APLP2: variants seen among roughly 807,000 people sequenced by gnomAD.
APLP2 encodes amyloid beta precursor like protein 2, also known as CDEI box-binding protein.
Under a neutral mutation model 89.9 loss-of-function variants are expected in APLP2, and 53 were observed. That is an observed-to-expected ratio of 0.59 (90% CI 0.47 to 0.74). The LOEUF is 0.74. APLP2 is among the 30% of genes least tolerant of loss of function. The probability of loss-of-function intolerance (pLI) is 0.00; values close to 1 mark genes in which losing one functional copy is unlikely to be tolerated. For missense variants in APLP2, 973 were observed against 975.9 expected, an observed-to-expected ratio of 1.00 and a Z score of 0.04; for synonymous variants, 372 against 348.6, an observed-to-expected ratio of 1.07 and a Z score of -0.75.
Position 130,143,522 on chromosome 11 carries a change from C to G in APLP2, c.*74C>G. The G allele has an allele frequency of 7.7e-7, 1 of 1,294,768 alleles. No individual in the cohort carries two copies. Among genetic ancestry groups the G allele is most frequent in the Non-Finnish European group, 1.1e-6 (1 of 896,802 alleles). 80.2% of individuals were successfully genotyped at this position (1,294,768 alleles called of 1,614,324 possible). Reference sequence around the variant, plus strand: ...AGATCCCACGATTCCGATCGACTGCCAAGCAGCAGCCGCTGCCAGGGGCTG... The same window carrying G: ...AGATCCCACGATTCCGATCGACTGCGAAGCAGCAGCCGCTGCCAGGGGCTG... On this transcript the variant is annotated 3_prime_UTR_variant, in exon 17 of 17. Coordinates refer to ENST00000338167, the MANE Select transcript of APLP2 (RefSeq NM_001142276.2).
chr11:130,077,841 T>G (rs1473758187), intron 1 of APLP2, among the ~76,000 whole-genome samples: 1 of 152,230 alleles, frequency 6.6e-6, no homozygotes, highest in African/African-American at 2.4e-5. Context: ...TCAAGCTGTT[T>G]GAGCTGAAAG....
intron 3 of APLP2, among the ~76,000 whole-genome samples, chr11:130,112,318 A>AT (rs1375166337): frequency 6.6e-6 from 1 of 152,194 alleles, no homozygotes; most frequent in Non-Finnish European, 1.5e-5. Flanking sequence ...GTTTTTAGTT[A>AT]TTCCTGTGAT....
At chr11:130,125,740 GCTCTGAA>G (rs1164923131) in intron 7 of APLP2, among the ~76,000 whole-genome samples, 1 of 152,194 alleles carries the variant, frequency 6.6e-6, no homozygotes, top group Non-Finnish European at 1.5e-5. Context: ...TCTCCACTTA[GCTCTGAA>G]ATTGTGTCAT....
intron 9 of APLP2, among the ~76,000 whole-genome samples, 179 bp downstream of exon 9, chr11:130,128,019 G>A (rs769596793): frequency 3.9e-5 from 6 of 152,202 alleles, no homozygotes; most frequent in African/African-American, 1.2e-4. Flanking sequence ...TATGGTAGAA[G>A]GAAACCAAAC....
At chr11:130,119,994 AAG>A (rs1285393529) in intron 3 of APLP2, among the ~76,000 whole-genome samples, 1 of 152,222 alleles carries the variant, frequency 6.6e-6, no homozygotes, top group East Asian at 1.9e-4. Context: ...GATATTTTTT[AAG>A]AGTCCATGCC....
intron 10 of APLP2, among the ~76,000 whole-genome samples, chr11:130,129,610 A>G (rs1225687609): frequency 1.3e-5 from 2 of 152,222 alleles, no homozygotes; most frequent in African/African-American, 4.8e-5. Flanking sequence ...GAGTGGTCTC[A>G]AATGATTTTG....
rs1011580057 is a variant in APLP2 at position 130,141,645 on chromosome 11, A to G, written c.1998+73A>G. On this transcript the variant is annotated intron_variant, in intron 15 of 16. Coordinates refer to ENST00000338167, the MANE Select transcript of APLP2 (RefSeq NM_001142276.2). This position sits in a 1 kb window ranked among gnomAD's most constrained non-coding sequence, Gnocchi z 4.2. ...TTTCTCCTCTGGACCTTCTCAGTTC[A>G]AGTAGAAAACGGGAGAGATGCCTGA... The G allele has an allele frequency of 1.4e-6, 2 of 1,394,630 alleles. No individual in the cohort carries two copies. The highest frequency in any genetic ancestry group is 1.2e-5 in the South Asian group (1 of 84,746). The allele number at this position is 1,394,630 out of a possible 1,614,324, so 86.4% of individuals were successfully genotyped here.
intron 1 of APLP2, among the ~76,000 whole-genome samples, chr11:130,104,366 G>A (rs961049862): frequency 2.6e-5 from 4 of 151,506 alleles, no homozygotes; most frequent in African/African-American, 4.9e-5. Flanking sequence ...CCATAGGCAC[G>A]CGCCCCCATG....
intron 1 of APLP2, among the ~76,000 whole-genome samples, chr11:130,078,502 T>C (rs1942532251): frequency 1.3e-5 from 2 of 152,200 alleles, no homozygotes; most frequent in Admixed American, 1.3e-4. Flanking sequence ...TTTTTTGTTA[T>C]GGTAGGTGCT....
At chr11:130,070,190 C>CG in intron 1 of APLP2, 108 bp downstream of exon 1, 1 of 530,924 alleles carries the variant, frequency 1.9e-6, no homozygotes, top group Non-Finnish European at 2.7e-6. Flanking sequence ...GGTGCGGCGC[C>CG]GGGGGTCCGG....
At chr11:130,076,321 C>T (rs1388790210) in intron 1 of APLP2, among the ~76,000 whole-genome samples, 4 of 152,148 alleles carry the variant, frequency 2.6e-5, no homozygotes, top group African/African-American at 7.2e-5. Flanking sequence ...GCGATCCAGC[C>T]GCCTCAGCCT....
intron 5 of APLP2, 100 bp from the exon 6 acceptor site, chr11:130,122,205 C>G: frequency 2.9e-6 from 4 of 1,391,324 alleles, no homozygotes; most frequent in Non-Finnish European, 4.0e-6. Context: ...GAGCTTATTT[C>G]CTGCCTCTGT....
chr11:130,071,247 A>T (rs945688555), intron 1 of APLP2, among the ~76,000 whole-genome samples: 1 of 152,232 alleles, frequency 6.6e-6, no homozygotes, highest in South Asian at 2.1e-4. Context: ...CTTCTACAGA[A>T]TGTTCAAGTA....
chr11:130,110,512 T>C (rs745785358), intron 2 of APLP2, 26 bp from the exon 3 acceptor site: 6 of 1,609,186 alleles, frequency 3.7e-6, no homozygotes, highest in Middle Eastern at 3.3e-4. Context: ...ATTGATTTAT[T>C]GTGTGTGTGT....
chr11:130,142,119 G>T, intron 16 of APLP2, 45 bp downstream of exon 16: 1 of 1,551,924 alleles, frequency 6.4e-7, no homozygotes, highest in Non-Finnish European at 8.7e-7. Flanking sequence ...CTGTGGGCTG[G>T]GTTGGGGGTG....
In APLP2 at chr11:130,142,090, G is replaced by C. The variant is rs779955787; in HGVS notation, c.2154+16G>C. Reference sequence around the variant, plus strand: ...GATCGTGGAGGTGAGGAGCTGGGCTGCTGAGGGCCTGCTCTGCACTGTGGG... The same window carrying C: ...GATCGTGGAGGTGAGGAGCTGGGCTCCTGAGGGCCTGCTCTGCACTGTGGG... On this transcript the variant is annotated intron_variant, in intron 16 of 16. Coordinates refer to ENST00000338167, the MANE Select transcript of APLP2 (RefSeq NM_001142276.2). 3 of 1,607,400 alleles carry C rather than the reference G, an allele frequency of 1.9e-6. No individual in the cohort carries two copies. The highest frequency in any genetic ancestry group is 2.2e-5 in the South Asian group (2 of 90,152).
intron 13 of APLP2, chr11:130,139,337 A>C (rs1164487115): frequency 6.6e-6 from 1 of 152,212 alleles, no homozygotes; most frequent in African/African-American, 2.4e-5. Context: ...TGCCTTTGAC[A>C]AGCCCAGGGA....
intron 3 of APLP2, among the ~76,000 whole-genome samples, chr11:130,119,329 G>A (rs951739788): frequency 2.6e-5 from 4 of 152,192 alleles, no homozygotes; most frequent in African/African-American, 4.8e-5. Flanking sequence ...TATGCCCAGT[G>A]TAGATTACTG....
chr11:130,083,148 ACCT>A (rs1672167144), intron 1 of APLP2, among the ~76,000 whole-genome samples: 1 of 141,768 alleles, frequency 7.1e-6, no homozygotes, highest in African/African-American at 2.7e-5. Context: ...TGACTCTCCC[ACCT>A]CAGCCTCCCA....
Sources: allele counts gnomAD v4.1 joint callset (sites outside exome capture counted in the v4.1 genomes callset), GRCh38; gene constraint gnomAD v4.1.1; non-coding constraint Gnocchi (gnomAD v3.1); transcripts MANE v1.5; gene names NCBI Gene and HGNC (gene_info 2026-07-23, HGNC 2026-07-21).